C2orf49: variants seen among roughly 807,000 people sequenced by gnomAD.
C2orf49 encodes tRNA splicing ligase complex subunit 2, also known as tRNA-splicing ligase complex subunit ASW.
A neutral mutation model predicts 20.6 loss-of-function variants in C2orf49; 11 were observed. The observed-to-expected ratio is 0.53, with a 90% confidence interval of 0.34 to 0.88. The LOEUF is 0.88. Among genes scored for constraint, C2orf49 ranks in the 40% least tolerant of loss-of-function variants. The pLI is 0.02. For missense variants in C2orf49, 289 were observed against 274.2 expected, an observed-to-expected ratio of 1.05 and a Z score of -0.38; for synonymous variants, 134 against 108.5, an observed-to-expected ratio of 1.24 and a Z score of -1.46.
At chr2:105,359,092 C>G in the C2orf49 span, 2 of 152,172 alleles carry the variant, frequency 1.3e-5, no homozygotes, top group African/African-American at 4.8e-5. Context: ...TGCTTTGGAT[C>G]GTGCTCCAGT....
the C2orf49 span, chr2:105,358,006 A>G: frequency 2.0e-5 from 3 of 152,190 alleles, no homozygotes; most frequent in Non-Finnish European, 2.9e-5. Context: ...AGCCCTGTCC[A>G]TACATACTTC....
downstream of C2orf49, among the ~76,000 whole-genome samples, chr2:105,353,907 TA>T (rs1344327187): frequency 6.6e-6 from 1 of 152,246 alleles, no homozygotes; most frequent in Non-Finnish European, 1.5e-5. Flanking sequence ...TATTTTGCTT[TA>T]ATATAACTAG....
chr2:105,341,048 A>T (rs1679651775), intron 2 of C2orf49, among the ~76,000 whole-genome samples: 1 of 152,242 alleles, frequency 6.6e-6, no homozygotes, highest in Non-Finnish European at 1.5e-5. Flanking sequence ...CTGACCTTTG[A>T]TCAAGAATGC....
At chr2:105,367,585 G>A in the C2orf49 span, 53 of 1,613,416 alleles carry the variant, frequency 3.3e-5, no homozygotes, top group South Asian at 3.2e-4. Context: ...TGCACTGAAC[G>A]CACTGCATGG....
At chr2:105,351,361 AC>A (rs1253148964), downstream of C2orf49, among the ~76,000 whole-genome samples, 1 of 121,038 alleles carries the variant, frequency 8.3e-6, no homozygotes. Flanking sequence ...CCCTTTTCAT[AC>A]ATACTGTGCT....
At position 105,345,799 on chromosome 2, in the gene C2orf49, C is replaced by G. The variant is rs748600193; in HGVS notation, c.*428C>G. ...CCAACATGGAGAAACCCCGTCTCTACTAAAAAATACAAAATTAGCTGGGCA... is the reference window on the plus strand; with the variant it reads ...CCAACATGGAGAAACCCCGTCTCTAGTAAAAAATACAAAATTAGCTGGGCA... On this transcript the variant is annotated 3_prime_UTR_variant, in exon 4 of 4. Transcript: ENST00000258457. 1.3e-5 allele frequency: 2 copies of G among 159,580 alleles called. No individual in the cohort carries two copies. Among genetic ancestry groups the G allele is most frequent in the Non-Finnish European group, 2.7e-5 (2 of 73,350 alleles). The allele number at this position is 159,580 out of a possible 1,614,324, so 9.9% of individuals were successfully genotyped here. A position where few individuals can be genotyped will look rare whatever the true frequency, so the allele number is the denominator to read the frequency against.
intron 3 of C2orf49, among the ~76,000 whole-genome samples, chr2:105,343,947 C>T (rs1286874468): frequency 6.6e-6 from 1 of 151,740 alleles, no homozygotes; most frequent in Non-Finnish European, 1.5e-5. Flanking sequence ...AATACTTTGC[C>T]TTTATTATTA....
chr2:105,348,906 T>G lies in C2orf49; in HGVS notation c.*3535T>G, dbSNP rs1679877449. ...TGGATTGATTAAGATCAGATGTGAT[T>G]CGAGTAGTCCAGCCATATCTTGTAG... On this transcript the variant is annotated 3_prime_UTR_variant, in exon 4 of 4. Transcript: ENST00000258457. The G allele has an allele frequency of 6.6e-6, 1 of 152,184 alleles. No homozygotes were observed. Among genetic ancestry groups the G allele is most frequent in the African/African-American group, 2.4e-5 (1 of 41,446 alleles). The allele number at this position is 152,184 out of a possible 1,614,324, so 9.4% of individuals were successfully genotyped here. A position where few individuals can be genotyped will look rare whatever the true frequency, so the allele number is the denominator to read the frequency against.
the C2orf49 span, among the ~76,000 whole-genome samples, chr2:105,378,994 A>G: frequency 2.0e-5 from 3 of 152,130 alleles, no homozygotes; most frequent in Non-Finnish European, 4.4e-5. Context: ...CACAGTCCAC[A>G]TCTCTTGTAT....
the C2orf49 span, among the ~76,000 whole-genome samples, chr2:105,383,945 A>G: frequency 1.3e-5 from 2 of 152,236 alleles, no homozygotes; most frequent in Non-Finnish European, 1.5e-5. Flanking sequence ...AAAGTTCAGC[A>G]CAATTCACTC....
chr2:105,367,100 T>C, the C2orf49 span, among the ~76,000 whole-genome samples: 1 of 152,356 alleles, frequency 6.6e-6, no homozygotes, highest in African/African-American at 2.4e-5. Context: ...ATAAATGATC[T>C]GTCCCATATC....
chr2:105,383,563 G>A, the C2orf49 span, among the ~76,000 whole-genome samples: 1 of 152,286 alleles, frequency 6.6e-6, no homozygotes, highest in East Asian at 1.9e-4. Flanking sequence ...CCATAGGCAT[G>A]CCAACATTTA....
chr2:105,371,999 G>A, the C2orf49 span, among the ~76,000 whole-genome samples: 1 of 152,160 alleles, frequency 6.6e-6, no homozygotes, highest in Admixed American at 6.5e-5. Flanking sequence ...CTTGCCTGGA[G>A]CTGCCCCATC....
the C2orf49 span, chr2:105,378,225 CA>C: frequency 2.1e-6 from 1 of 469,098 alleles, no homozygotes; most frequent in South Asian, 1.6e-5. Flanking sequence ...GCAATAGCTA[CA>C]GTTTAAGACT....
the C2orf49 span, among the ~76,000 whole-genome samples, chr2:105,372,882 T>A: frequency 6.6e-6 from 1 of 152,218 alleles, no homozygotes; most frequent in African/African-American, 2.4e-5. Flanking sequence ...AAATTCCACA[T>A]ATTTTTGTCC....
chr2:105,351,757 C>T (rs1573253993), downstream of C2orf49, among the ~76,000 whole-genome samples: 1 of 152,122 alleles, frequency 6.6e-6, no homozygotes, highest in Non-Finnish European at 1.5e-5. Flanking sequence ...AGCCTTTGCT[C>T]CTTTTATTAA....
chr2:105,345,280 G>GC (rs751718475), intron 3 of C2orf49, 35 bp from the exon 4 acceptor site: 3 of 1,571,344 alleles, frequency 1.9e-6, no homozygotes, highest in Non-Finnish European at 2.6e-6. Context: ...TGATATTTCT[G>GC]CAAGTATAAA....
At chr2:105,341,309 C>G (rs1318324646) in intron 2 of C2orf49, among the ~76,000 whole-genome samples, 4 of 152,186 alleles carry the variant, frequency 2.6e-5, no homozygotes, top group Admixed American at 6.5e-5. Context: ...CCCCCAAAAT[C>G]ATTTTGGAAA....
chr2:105,345,796 C>G lies in C2orf49; in HGVS notation c.*425C>G, dbSNP rs1167274802. Reference sequence around the variant, plus strand: ...TGACCAACATGGAGAAACCCCGTCTCTACTAAAAAATACAAAATTAGCTGG... The same window carrying G: ...TGACCAACATGGAGAAACCCCGTCTGTACTAAAAAATACAAAATTAGCTGG... On this transcript the variant is annotated 3_prime_UTR_variant, in exon 4 of 4. Transcript: ENST00000258457. 1.3e-5 allele frequency: 2 copies of G among 159,888 alleles called. No homozygotes were observed. The highest frequency in any genetic ancestry group is 4.8e-5 in the African/African-American group (2 of 41,492). 9.9% of individuals were successfully genotyped at this position (159,888 alleles called of 1,614,324 possible).
Sources: allele counts gnomAD v4.1 joint callset (sites outside exome capture counted in the v4.1 genomes callset), GRCh38; gene constraint gnomAD v4.1.1; transcripts MANE v1.5; gene names NCBI Gene and HGNC (gene_info 2026-07-23, HGNC 2026-07-21).